The following NSUN4 variants were observed in gnomAD, a reference collection of about 807,000 sequenced individuals.
NSUN4 encodes NOP2/Sun RNA methyltransferase 4, also known as 5-cytosine rRNA methyltransferase NSUN4.
NSUN4 carries 31 observed loss-of-function variants against 43.8 expected under a neutral mutation model. The observed-to-expected ratio is 0.71, with a 90% CI of 0.53 to 0.96. NSUN4 has a LOEUF of 0.96. Ranked by LOEUF, NSUN4 falls within the 40% of genes least tolerant of loss-of-function variation. The pLI is 0.00. For synonymous variants in NSUN4, 167 were observed against 184.1 expected, an observed-to-expected ratio of 0.91 and a Z score of 0.75; for missense variants, 439 against 475.6, an observed-to-expected ratio of 0.92 and a Z score of 0.72.
intron 1 of NSUN4, chr1:46,341,162 TC>T (rs778140731): frequency 1.9e-5 from 24 of 1,288,756 alleles, no homozygotes; most frequent in Non-Finnish European, 2.4e-5. Context: ...GTCATCACCT[TC>T]GCCTTCATTC....
At position 46,363,638 on chromosome 1, in the gene NSUN4, A is replaced by G. The variant is rs1664010992; in HGVS notation, c.*1792A>G. 2 of 152,600 alleles carry G rather than the reference A, an allele frequency of 1.3e-5. No homozygotes were observed. The highest frequency in any genetic ancestry group is 6.5e-5 in the Admixed American group (1 of 15,290). 9.5% of individuals were successfully genotyped at this position (152,600 alleles called of 1,614,324 possible). ...ATCCTAGAGAAACTCATACATGTAC[A>G]CCAGGAGATGTGTACAAGAATATTC... On this transcript the variant is annotated 3_prime_UTR_variant, in exon 6 of 6. Transcript: ENST00000474844.
intron 3 of NSUN4, among the ~76,000 whole-genome samples, chr1:46,352,430 C>T (rs577194452): frequency 4.8e-5 from 7 of 146,872 alleles, no homozygotes; most frequent in South Asian, 4.3e-4. Context: ...CCAGCCTGGG[C>T]GACAGAATGA....
rs766010432 is a variant in NSUN4 at position 46,361,643 on chromosome 1, G to A, written c.952G>A (p.Glu318Lys). Residue 318 changes from glutamate (E) to lysine (K), a missense_variant, in exon 6 of 6, where the codon GAG becomes AAG. Physicochemically the swap from Glu to Lys is moderately conservative, Grantham distance 56 (BLOSUM62 1). Coordinates refer to ENST00000474844, the MANE Select transcript of NSUN4 (RefSeq NM_199044.4). ...STCSLSHLQNEYVVQGAIELL... is the reference protein window; with the variant it reads ...STCSLSHLQNKYVVQGAIELL... ...CTGCTCACTCTCACACTTACAGAACGAGTATGTGGTGCAAGGTGCCATTGA... is the reference window on the plus strand; with the variant it reads ...CTGCTCACTCTCACACTTACAGAACAAGTATGTGGTGCAAGGTGCCATTGA... 1.3e-5 allele frequency: 21 copies of A among 1,614,038 alleles called. No individual in the cohort carries two copies. The highest frequency in any genetic ancestry group is 1.6e-4 in the Middle Eastern group (1 of 6,084).
intron 3 of NSUN4, 137 bp from the exon 4 acceptor site, chr1:46,352,731 A>T: frequency 1.3e-6 from 1 of 796,626 alleles, no homozygotes; most frequent in Non-Finnish European, 2.1e-6. Flanking sequence ...ATGCTGTGCC[A>T]TGCACATAAT....
chr1:46,344,962 T>G lies in NSUN4; in HGVS notation c.255T>G (p.His85Gln). 2.5e-6 allele frequency: 4 copies of G among 1,614,214 alleles called. No homozygotes were observed. Among genetic ancestry groups the G allele is most frequent in the Non-Finnish European group, 3.4e-6 (4 of 1,180,036 alleles). ...TCAATAACTTTGCTGCCTGGGATCA[T>G]GTAAGTGCTAAGCTGGAGCAGCTGA... The part of the protein sequence containing the change: ...ALVNNFAAWD[H>Q]VSAKLEQLSA... The change falls in exon 2 of 6, where the codon CAT (histidine) becomes CAG (glutamine). Residue 85 changes from histidine (H) to glutamine (Q), a missense_variant. Physicochemically the swap from His to Gln is conservative, Grantham distance 24 (BLOSUM62 0). Transcript: ENST00000474844.
chr1:46,341,527 C>G, intron 1 of NSUN4: 1 of 1,091,268 alleles, frequency 9.2e-7, no homozygotes, highest in Non-Finnish European at 1.1e-6. Flanking sequence ...CCTCTGGACT[C>G]TCCTTGCTTC....
chr1:46,347,231 A>T (rs1460710155), intron 3 of NSUN4, among the ~76,000 whole-genome samples, 156 bp downstream of exon 3: 1 of 152,334 alleles, frequency 6.6e-6, no homozygotes, highest in East Asian at 1.9e-4. Flanking sequence ...TGATGTCAGG[A>T]GTTCCAGACC....
At chr1:46,378,394 A>T in the NSUN4 span, among the ~76,000 whole-genome samples, 33 of 152,178 alleles carry the variant, frequency 2.2e-4, no homozygotes, top group Middle Eastern at 6.8e-3. Context: ...ACGAGGTTTC[A>T]TCATGCTGAA....
the NSUN4 span, among the ~76,000 whole-genome samples, chr1:46,378,201 A>AT: frequency 7.3e-6 from 1 of 137,642 alleles, no homozygotes; most frequent in African/African-American, 2.7e-5. Context: ...CATAGCAGAG[A>AT]TTTTTTTTTT....
chr1:46,375,261 C>T, the NSUN4 span, among the ~76,000 whole-genome samples: 1 of 151,904 alleles, frequency 6.6e-6, no homozygotes, highest in Non-Finnish European at 1.5e-5. Context: ...CATGGAGAAA[C>T]TCATTCTCTA....
chr1:46,364,860 T>C lies in NSUN4; in HGVS notation c.*3014T>C, dbSNP rs1346256377. 1.3e-5 allele frequency: 2 copies of C among 152,190 alleles called. No homozygotes were observed. The highest frequency in any genetic ancestry group is 2.4e-5 in the African/African-American group (1 of 41,452). The allele number at this position is 152,190 out of a possible 1,614,324, so 9.4% of individuals were successfully genotyped here. On this transcript the variant is annotated 3_prime_UTR_variant, in exon 6 of 6. Transcript: ENST00000474844. Reference sequence around the variant, plus strand: ...CAGGATGGATGCCTCACATAGATCATGATGATTCAATCCAAAGGCACTTTG... The same window carrying C: ...CAGGATGGATGCCTCACATAGATCACGATGATTCAATCCAAAGGCACTTTG...
chr1:46,375,059 G>T, the NSUN4 span, among the ~76,000 whole-genome samples: 5 of 152,058 alleles, frequency 3.3e-5, no homozygotes, highest in Non-Finnish European at 7.4e-5. Flanking sequence ...TTTAAAAAGG[G>T]TAATAATAGT....
intron 5 of NSUN4, 40 bp downstream of exon 5, chr1:46,360,868 G>A: frequency 6.2e-7 from 1 of 1,610,216 alleles, no homozygotes. Flanking sequence ...TTGTGCCAGA[G>A]TGCTCTGGGA....
chr1:46,381,431 G>A, the NSUN4 span, among the ~76,000 whole-genome samples: 6 of 152,204 alleles, frequency 3.9e-5, no homozygotes, highest in East Asian at 7.7e-4. Flanking sequence ...TTGCTGCACT[G>A]GCCTCCAAAC....
At chr1:46,371,671 A>G in the NSUN4 span, among the ~76,000 whole-genome samples, 2 of 152,000 alleles carry the variant, frequency 1.3e-5, no homozygotes, top group African/African-American at 4.8e-5. Flanking sequence ...CAAACTCCTG[A>G]CTTCGTGATC....
chr1:46,345,141 C>A lies in NSUN4; in HGVS notation c.434C>A (p.Ala145Asp). 1 of 1,597,578 alleles carries A rather than the reference C, an allele frequency of 6.3e-7. No homozygotes were observed. The highest frequency in any genetic ancestry group is 8.5e-7 in the Non-Finnish European group (1 of 1,172,052). The change falls in exon 2 of 6, where the codon GCC becomes GAC. Residue 145 changes from alanine to aspartate, a missense_variant. Coordinates refer to ENST00000474844, the MANE Select transcript of NSUN4 (RefSeq NM_199044.4). ...GGGGATATCAGTCGCTTCCCTCCTGCCAGGTAGGATCTGGAGCCATGACTG... is the reference window on the plus strand; with the variant it reads ...GGGGATATCAGTCGCTTCCCTCCTGACAGGTAGGATCTGGAGCCATGACTG... ...DRGDISRFPPARPGSLGVMEY... is the reference protein window; with the variant it reads ...DRGDISRFPPDRPGSLGVMEY...
chr1:46,360,856 C>T (rs1663817705), intron 5 of NSUN4, 28 bp downstream of exon 5: 1 of 1,611,684 alleles, frequency 6.2e-7, no homozygotes, highest in African/African-American at 1.3e-5. Flanking sequence ...AAACTCAGGA[C>T]TTTGTGCCAG....
chr1:46,379,184 G>A, the NSUN4 span, among the ~76,000 whole-genome samples: 10 of 150,216 alleles, frequency 6.7e-5, no homozygotes, highest in Non-Finnish European at 1.5e-4. Flanking sequence ...TTGGTAGGGG[G>A]CCCAGATATC....
At chr1:46,372,825 C>T in the NSUN4 span, among the ~76,000 whole-genome samples, 9 of 152,204 alleles carry the variant, frequency 5.9e-5, no homozygotes, top group African/African-American at 2.2e-4. Context: ...CAGGTTCAAG[C>T]AATTCTCCCA....
Sources: allele counts gnomAD v4.1 joint callset (sites outside exome capture counted in the v4.1 genomes callset), GRCh38; gene constraint gnomAD v4.1.1; transcripts MANE v1.5; gene names NCBI Gene and HGNC (gene_info 2026-07-23, HGNC 2026-07-21).